Variants in VSNL1 observed in about 807,000 individuals in gnomAD.
VSNL1 encodes the protein visinin like 1.
Under a neutral mutation model 20.4 loss-of-function variants are expected in VSNL1, and 6 were observed. That is an observed-to-expected ratio of 0.29 (90% CI 0.16 to 0.58). The LOEUF is 0.58. Ranked by LOEUF, VSNL1 falls within the 20% of genes least tolerant of loss-of-function variation. VSNL1 has a pLI of 0.90. For synonymous variants in VSNL1, 93 were observed against 86.4 expected (o/e 1.08, Z -0.42); for missense variants, 100 against 234.5 (o/e 0.43, Z 3.75).
rs552256360 is a variant in VSNL1, at chr2:17,656,966, T to C, written c.*1572T>C. ...TTCGTTTTTTACCGAATTCGTTTTT[T>C]ACCATTCTTTATTTGTCTTAGGATC... On this transcript the variant is annotated 3_prime_UTR_variant, in exon 4 of 4. Transcript: ENST00000295156. The C allele has an allele frequency of 6.6e-6, 1 of 152,342 alleles. No individual in the cohort carries two copies. Among genetic ancestry groups the C allele is most frequent in the Admixed American group, 6.5e-5 (1 of 15,300 alleles). 9.4% of individuals were successfully genotyped at this position (152,342 alleles called of 1,614,324 possible). A position where few individuals can be genotyped will look rare whatever the true frequency, so the allele number is the denominator to read the frequency against.
chr2:17,622,101 A>G (rs1665372476), intron 2 of VSNL1, among the ~76,000 whole-genome samples: 1 of 151,676 alleles, frequency 6.6e-6, no homozygotes, highest in Admixed American at 6.6e-5. Flanking sequence ...TTTTCCACTC[A>G]TCTATCACAG....
intron 1 of VSNL1, among the ~76,000 whole-genome samples, chr2:17,566,843 A>G (rs1663958164): frequency 2.0e-5 from 3 of 152,194 alleles, no homozygotes. Flanking sequence ...CCCTGTAGAC[A>G]TTCAGTTATC....
At chr2:17,584,873 C>T (rs1038583095) in intron 1 of VSNL1, among the ~76,000 whole-genome samples, 1 of 152,068 alleles carries the variant, frequency 6.6e-6, no homozygotes, top group African/African-American at 2.4e-5. Flanking sequence ...TGGCATAAGT[C>T]CCCTAGCCTC....
At chr2:17,574,204 C>T (rs1432222627) in intron 1 of VSNL1, among the ~76,000 whole-genome samples, 2 of 151,576 alleles carry the variant, frequency 1.3e-5, no homozygotes, top group Non-Finnish European at 2.9e-5. Flanking sequence ...TTCTTTGATC[C>T]CCCCCCACCC....
rs140100131 is a variant in VSNL1, at chr2:17,570,366, G to A, written c.-5-21704G>A. ...GCCCTATACCAATCATGTTTTGAAC[G>A]TGTGCTCCAAGAAACTTATAAACCA... On this transcript the variant is annotated intron_variant, in intron 1 of 3. Transcript: ENST00000295156. Among the ~76,000 whole-genome samples the A allele has an allele frequency of 2.7e-3, 409 of 152,266 alleles. 3 individuals carry two copies. Among genetic ancestry groups the A allele is most frequent in the African/African-American group, 7.8e-3 (325 of 41,562 alleles).
chr2:17,627,796 A>G (rs2103409028), intron 2 of VSNL1, among the ~76,000 whole-genome samples: 1 of 152,340 alleles, frequency 6.6e-6, no homozygotes, highest in Non-Finnish European at 1.5e-5. Flanking sequence ...CAAAATAATG[A>G]TTGGTAATAT....
At chr2:17,635,597 G>A (rs958293906) in intron 2 of VSNL1, among the ~76,000 whole-genome samples, 6 of 152,190 alleles carry the variant, frequency 3.9e-5, no homozygotes, top group Non-Finnish European at 8.8e-5. Flanking sequence ...AGCTCCTGCC[G>A]TTGACTTTGT....
At chr2:17,624,620 C>G (rs924343540) in intron 2 of VSNL1, among the ~76,000 whole-genome samples, 9 of 152,048 alleles carry the variant, frequency 5.9e-5, no homozygotes, top group African/African-American at 2.2e-4. Context: ...CGTCTGCCAC[C>G]ACTGCTTTTG....
At chr2:17,633,091 C>G (rs764722609) in intron 2 of VSNL1, among the ~76,000 whole-genome samples, 4 of 152,174 alleles carry the variant, frequency 2.6e-5, no homozygotes, top group African/African-American at 4.8e-5. Context: ...AAGGAGGTCT[C>G]ACAATCGTGG....
At chr2:17,636,815 C>A (rs72768609) in intron 2 of VSNL1, among the ~76,000 whole-genome samples, 143 of 152,002 alleles carry the variant, frequency 9.4e-4, no homozygotes, top group Admixed American at 1.8e-3. Flanking sequence ...TTTTATTGGA[C>A]AGGGCTGCTC....
At chr2:17,621,315 T>C (rs1665353920) in intron 2 of VSNL1, among the ~76,000 whole-genome samples, 1 of 151,776 alleles carries the variant, frequency 6.6e-6, no homozygotes, top group African/African-American at 2.4e-5. Context: ...TCTTTCTCCT[T>C]TTCTTTTCTC....
intron 2 of VSNL1, among the ~76,000 whole-genome samples, chr2:17,641,142 T>C (rs1665874377): frequency 6.6e-6 from 1 of 152,136 alleles, no homozygotes; most frequent in Non-Finnish European, 1.5e-5. Context: ...GTGAAATGAG[T>C]TGGGTGCAGG....
rs535257493 is a variant in VSNL1 at position 17,558,964 on chromosome 2, G to T, written c.-6+18046G>T. Among the ~76,000 whole-genome samples, 9 of 152,146 alleles carry T rather than the reference G, an allele frequency of 5.9e-5. No individual in the cohort carries two copies. In the South Asian group the frequency reaches 1.7e-3, roughly 28 times the overall value. On this transcript the variant is annotated intron_variant, in intron 1 of 3. Coordinates refer to ENST00000295156, the MANE Select transcript of VSNL1 (RefSeq NM_003385.5). The stretch of plus-strand genomic sequence containing the variant: ...TCTCACTCATATAAAGAAACTCAGA[G>T]GTAGGCAATCCCTGACAGGGTGGTT...
chr2:17,592,275 A>G lies in VSNL1; in HGVS notation c.162+39A>G, dbSNP rs746946566. ...CAACCTTGTTTTTATTCCTTAGGCC[A>G]GAAACTATGGCCTTCATGAAATTGT... On this transcript the variant is annotated intron_variant, in intron 2 of 3. Transcript: ENST00000295156. 1.9e-6 allele frequency: 3 copies of G among 1,601,506 alleles called. No individual in the cohort carries two copies. The East Asian group carries it at 6.7e-5, about 36-fold the overall frequency.
chr2:17,542,632 C>G (rs1158977535), intron 1 of VSNL1, among the ~76,000 whole-genome samples: 1 of 152,180 alleles, frequency 6.6e-6, no homozygotes, highest in Non-Finnish European at 1.5e-5. Context: ...TTTCCTTACT[C>G]CAGGGCAGAA....
At chr2:17,595,334 G>A (rs1664688341) in intron 2 of VSNL1, among the ~76,000 whole-genome samples, 1 of 152,194 alleles carries the variant, frequency 6.6e-6, no homozygotes, top group Non-Finnish European at 1.5e-5. Context: ...AGTCCTGCCT[G>A]CCCTCCCGAA....
At chr2:17,609,227 C>T (rs954884111) in intron 2 of VSNL1, among the ~76,000 whole-genome samples, 7 of 152,248 alleles carry the variant, frequency 4.6e-5, no homozygotes, top group Middle Eastern at 3.4e-3. Context: ...TTACCTGGCT[C>T]ACCACAGTGT....
chr2:17,598,941 A>G (rs1432447144), intron 2 of VSNL1, among the ~76,000 whole-genome samples: 1 of 152,218 alleles, frequency 6.6e-6, no homozygotes, highest in Non-Finnish European at 1.5e-5. Context: ...TGTTTGACTG[A>G]TTCATTTATG....
chr2:17,646,091 T>A (rs367745248), intron 2 of VSNL1, among the ~76,000 whole-genome samples: 1 of 152,220 alleles, frequency 6.6e-6, no homozygotes, highest in Non-Finnish European at 1.5e-5. Context: ...ATGCCTATTT[T>A]CCCCCACTCC....
Sources: allele counts gnomAD v4.1 joint callset (sites outside exome capture counted in the v4.1 genomes callset), GRCh38; gene constraint gnomAD v4.1.1; transcripts MANE v1.5; gene names NCBI Gene and HGNC (gene_info 2026-07-23, HGNC 2026-07-21).